Variants in ABCC6 observed in about 807,000 individuals in gnomAD.
ABCC6 encodes the protein ATP-binding cassette sub-family C member 6.
ABCC6 carries 126 observed loss-of-function variants against 169.5 expected under a neutral mutation model. The observed-to-expected ratio is 0.74, with a 90% CI of 0.64 to 0.86. ABCC6 has a LOEUF of 0.86. ABCC6 is among the 40% of genes least tolerant of loss of function. The pLI is 0.00. For synonymous variants in ABCC6, 752 were observed against 814.7 expected (o/e 0.92, Z 1.31); for missense variants, 1,733 against 1,927.2 (o/e 0.90, Z 1.89).
intron 27 of ABCC6, 137 bp downstream of exon 27, chr16:16,157,526 G>C: frequency 9.0e-7 from 1 of 1,116,126 alleles, no homozygotes; most frequent in Non-Finnish European, 1.3e-6. Context: ...TTCATTTTAG[G>C]GGGTAATGGG....
chr16:16,185,928 C>T (rs977695592), intron 14 of ABCC6, among the ~76,000 whole-genome samples: 5 of 152,190 alleles, frequency 3.3e-5, no homozygotes, highest in African/African-American at 9.6e-5. Context: ...CATGGCTTAG[C>T]CCAGATCAAT....
chr16:16,176,137 G>A (rs1419754543), intron 19 of ABCC6, 151 bp from the exon 20 acceptor site: 2 of 743,152 alleles, frequency 2.7e-6, no homozygotes, highest in Non-Finnish European at 4.9e-6. Context: ...ACCCCACTCT[G>A]AGTTCTTCCA....
intron 10 of ABCC6, among the ~76,000 whole-genome samples, chr16:16,197,471 G>T (rs1238973222): frequency 6.6e-6 from 1 of 151,094 alleles, no homozygotes; most frequent in African/African-American, 2.4e-5. Context: ...AAGAAGAAAG[G>T]GAAGAGAAGG....
chr16:16,217,235 A>G (rs547854574), intron 4 of ABCC6, among the ~76,000 whole-genome samples: 13 of 152,236 alleles, frequency 8.5e-5, no homozygotes, highest in African/African-American at 2.9e-4. Flanking sequence ...GGATATTCCA[A>G]TGACAATATG....
At position 16,188,844 on chromosome 16, in the gene ABCC6, T is replaced by C. The variant is rs1435686899; in HGVS notation, c.1766A>G (p.His589Arg). 1.2e-6 allele frequency: 2 copies of C among 1,612,996 alleles called. No homozygotes were observed. Among genetic ancestry groups the C allele is most frequent in the Non-Finnish European group, 1.7e-6 (2 of 1,179,754 alleles). The change falls in exon 13 of 31, where the codon CAC becomes CGC. Residue 589 changes from histidine to arginine, a missense_variant. Transcript: ENST00000205557. ...CACCCACCTCACCTGGACGAGGGAG[T>C]GGATGGAGAAGGGCAGGAAAGCCTG... The part of the protein sequence containing the change: ...KAQAFLPFSI[H>R]SLVQARVSFD...
Position 16,161,546 on chromosome 16 carries a change from C to T in ABCC6, c.3525G>A (p.Val1175=). The T allele has an allele frequency of 1.2e-6, 2 of 1,613,936 alleles. No individual in the cohort carries two copies. Among genetic ancestry groups the T allele is most frequent in the Non-Finnish European group, 1.7e-6 (2 of 1,180,020 alleles). Residue 1175 remains valine (V), a synonymous_variant, in exon 25 of 31, where the codon GTG becomes GTA. Transcript: ENST00000205557. ...ACACCAGGCCATTCCCCAGGAGCTC[C>T]ACATTGGCCGCAAGCCACCTGCAAA... ...LVADRWLAAN[V]ELLGNGLVFA... is the part of the protein sequence containing the mutation.
At position 16,201,987 on chromosome 16, in the gene ABCC6, C is replaced by A. The variant is rs543629636; in HGVS notation, c.1176+14G>T. 9 of 1,613,790 alleles carry A rather than the reference C, an allele frequency of 5.6e-6. No individual in the cohort carries two copies. The East Asian group carries it at 1.3e-4, about 24-fold the overall frequency. On this transcript the variant is annotated intron_variant, in intron 9 of 30. Coordinates refer to ENST00000205557, the MANE Select transcript of ABCC6 (RefSeq NM_001171.6). ...CCTGGCTGGGAAGACCTGCCCTTGTCCCCCAGGGCTCACCTTTCTGTACAC... is the reference window on the plus strand; with the variant it reads ...CCTGGCTGGGAAGACCTGCCCTTGTACCCCAGGGCTCACCTTTCTGTACAC...
chr16:16,188,996 T>G (rs569348300), intron 12 of ABCC6, 22 bp from the exon 13 acceptor site: 3 of 1,612,924 alleles, frequency 1.9e-6, no homozygotes, highest in East Asian at 2.2e-5. Context: ...GGGGGACACG[T>G]GGGGCAACAG....
chr16:16,150,868 A>G, intron 29 of ABCC6, 96 bp from the exon 30 acceptor site: 1 of 1,544,614 alleles, frequency 6.5e-7, no homozygotes, highest in South Asian at 1.2e-5. Flanking sequence ...GCAGTGCAGG[A>G]GTGAGGTGCC....
At chr16:16,172,085 AGTG>A (rs2047109852) in intron 21 of ABCC6, among the ~76,000 whole-genome samples, 1 of 111,858 alleles carries the variant, frequency 8.9e-6, no homozygotes, top group African/African-American at 3.4e-5. Flanking sequence ...TGGATAAATG[AGTG>A]GGTGGGATGG....
At chr16:16,217,414 A>G (rs970002368) in intron 4 of ABCC6, among the ~76,000 whole-genome samples, 5 of 152,376 alleles carry the variant, frequency 3.3e-5, no homozygotes, top group South Asian at 4.1e-4. Context: ...TGGGACGGCT[A>G]GAATTCATCA....
intron 7 of ABCC6, among the ~76,000 whole-genome samples, chr16:16,207,388 T>C (rs1314922186): frequency 1.3e-5 from 2 of 152,150 alleles, no homozygotes; most frequent in Non-Finnish European, 2.9e-5. Context: ...TCTGCTGGAG[T>C]TTGCTGAACT....
At chr16:16,183,468 A>G (rs1056010905) in intron 15 of ABCC6, among the ~76,000 whole-genome samples, 1 of 152,044 alleles carries the variant, frequency 6.6e-6, no homozygotes, top group African/African-American at 2.4e-5. Flanking sequence ...TTAAAACCCA[A>G]GTCAGATCGT....
Position 16,198,003 on chromosome 16 carries a change from C to CAG in ABCC6, c.1338+17_1338+18insCT. ...GTGGGGGACTCCGTTCAAATCCCGT[C>CAG]TTCCTCCTCTGGCATACCTGCCAGA... On this transcript the variant is annotated intron_variant, in intron 10 of 30. Transcript: ENST00000205557. The CAG allele has an allele frequency of 6.2e-7, 1 of 1,613,094 alleles. No homozygotes were observed. The highest frequency in any genetic ancestry group is 8.5e-7 in the Non-Finnish European group (1 of 1,179,534).
At chr16:16,150,463 C>A in intron 30 of ABCC6, 115 bp downstream of exon 30, 2 of 1,504,980 alleles carry the variant, frequency 1.3e-6, no homozygotes, top group Non-Finnish European at 1.8e-6. Flanking sequence ...CCGCTCTGGC[C>A]CCATTCAGGA....
chr16:16,152,627 G>A (rs896365519), intron 29 of ABCC6, among the ~76,000 whole-genome samples: 1 of 151,496 alleles, frequency 6.6e-6, no homozygotes, highest in African/African-American at 2.4e-5. Context: ...TTGCAAGGTA[G>A]GTAGGTGCTA....
At chr16:16,207,105 C>T (rs1253872950) in intron 7 of ABCC6, among the ~76,000 whole-genome samples, 1 of 152,166 alleles carries the variant, frequency 6.6e-6, no homozygotes, top group African/African-American at 2.4e-5. Context: ...ATACCACAAC[C>T]CAGTGAAGGG....
At chr16:16,159,955 C>G (rs564129644) in intron 25 of ABCC6, among the ~76,000 whole-genome samples, 2 of 152,228 alleles carry the variant, frequency 1.3e-5, no homozygotes, top group South Asian at 4.1e-4. Flanking sequence ...ACTGGGTGGC[C>G]ACCAATTTCC....
intron 22 of ABCC6, among the ~76,000 whole-genome samples, chr16:16,167,798 G>A (rs1596618620): frequency 6.6e-6 from 1 of 152,018 alleles, no homozygotes; most frequent in Non-Finnish European, 1.5e-5. Context: ...CTTTGTATTC[G>A]AGAGTCATAA....
Sources: gnomAD v4.1 joint callset for allele counts (sites outside exome capture counted in the v4.1 genomes callset) on GRCh38, gnomAD v4.1.1 for gene constraint, MANE v1.5 for transcripts, NCBI Gene and HGNC (gene_info 2026-07-23, HGNC 2026-07-21) for gene names.